Variants in NAALADL2 observed in about 807,000 individuals in gnomAD.
NAALADL2 encodes the protein inactive N-acetylated-alpha-linked acidic dipeptidase-like protein 2.
NAALADL2 carries 76 observed loss-of-function variants against 87.2 expected under a neutral mutation model. The observed-to-expected ratio is 0.87, with a 90% CI of 0.72 to 1.05. The LOEUF (loss-of-function observed/expected upper bound fraction) is 1.05, where lower values mean the gene tolerates loss of function less well. Ranked by LOEUF, NAALADL2 falls within the 50% of genes least tolerant of loss-of-function variation. The pLI is 0.00. For synonymous variants in NAALADL2, 354 were observed against 331.0 expected, an observed-to-expected ratio of 1.07 and a Z score of -0.75; for missense variants, 1,089 against 945.8, an observed-to-expected ratio of 1.15 and a Z score of -1.99.
At chr3:174,654,486 C>G (rs1387140199) in intron 2 of NAALADL2, among the ~76,000 whole-genome samples, 4 of 151,968 alleles carry the variant, frequency 2.6e-5, no homozygotes, top group African/African-American at 9.7e-5. Context: ...AATTATCCCA[C>G]AAAAATAATT....
chr3:174,625,461 A>T (rs1721482009), intron 2 of NAALADL2, among the ~76,000 whole-genome samples: 1 of 148,684 alleles, frequency 6.7e-6, no homozygotes, highest in African/African-American at 2.5e-5. Context: ...CCCATAAAAT[A>T]CTGAAAATTT....
At chr3:174,882,787 GTA>G (rs201781040) in intron 1 of NAALADL2, among the ~76,000 whole-genome samples, 24 of 102,976 alleles carry the variant, frequency 2.3e-4, no homozygotes, top group African/African-American at 6.8e-4. Context: ...ATACATATGT[GTA>G]TATATACACG....
intron 1 of NAALADL2, among the ~76,000 whole-genome samples, chr3:175,002,432 G>C: frequency 6.6e-6 from 1 of 152,064 alleles, no homozygotes; most frequent in East Asian, 1.9e-4. Flanking sequence ...ATGAAAAATA[G>C]AAAAACACTC....
intron 11 of NAALADL2, among the ~76,000 whole-genome samples, chr3:175,727,390 C>T (rs144119230): frequency 6.0e-4 from 91 of 152,274 alleles, no homozygotes; most frequent in African/African-American, 2.0e-3. Context: ...TATGTTCACA[C>T]GTAGTTTCTT....
chr3:175,209,161 G>T (rs1201632428), intron 2 of NAALADL2, among the ~76,000 whole-genome samples: 2 of 151,984 alleles, frequency 1.3e-5, no homozygotes, highest in Non-Finnish European at 2.9e-5. Context: ...AAAACATGTC[G>T]TCTGTTCCTA....
intron 1 of NAALADL2, among the ~76,000 whole-genome samples, chr3:175,067,220 C>T (rs1714687695): frequency 6.6e-6 from 1 of 152,032 alleles, no homozygotes; most frequent in African/African-American, 2.4e-5. Flanking sequence ...AAAGCGATTA[C>T]AACAAAAACA....
chr3:174,565,077 C>T (rs571184566), intron 2 of NAALADL2, among the ~76,000 whole-genome samples: 1 of 151,896 alleles, frequency 6.6e-6, no homozygotes, highest in African/African-American at 2.4e-5. Flanking sequence ...CATATACACC[C>T]TCACCACCAT....
chr3:174,996,173 A>C (rs530194870), intron 1 of NAALADL2, among the ~76,000 whole-genome samples: 2 of 152,262 alleles, frequency 1.3e-5, no homozygotes, highest in South Asian at 4.1e-4. Flanking sequence ...TACTAGTTCT[A>C]TTTACCTATA....
At chr3:175,147,179 C>G (rs1020435448) in intron 2 of NAALADL2, among the ~76,000 whole-genome samples, 8 of 152,234 alleles carry the variant, frequency 5.3e-5, no homozygotes, top group African/African-American at 1.7e-4. Flanking sequence ...ATTTGGAGTA[C>G]CTGTCACCCA....
intron 1 of NAALADL2, among the ~76,000 whole-genome samples, chr3:174,976,058 C>A (rs752946490): frequency 3.3e-5 from 5 of 152,094 alleles, no homozygotes; most frequent in Non-Finnish European, 5.9e-5. Flanking sequence ...CAACAAAAAA[C>A]CCAAATACAA....
At chr3:175,199,864 A>ATTTTTTTTTT in intron 2 of NAALADL2, among the ~76,000 whole-genome samples, 1 of 13,056 alleles carries the variant, frequency 7.7e-5, no homozygotes, top group Non-Finnish European at 1.4e-4. Context: ...ATATATATAT[A>ATTTTTTTTTT]TTTTTTTTTT....
intron 2 of NAALADL2, among the ~76,000 whole-genome samples, chr3:175,157,277 C>A (rs1732468078): frequency 6.6e-6 from 1 of 152,184 alleles, no homozygotes; most frequent in African/African-American, 2.4e-5. Context: ...CAGAAGGCAG[C>A]ATTTTGTAGT....
chr3:174,859,480 C>T lies in NAALADL2; in HGVS notation c.43+30C>T, dbSNP rs761166697. On this transcript the variant is annotated intron_variant, in intron 1 of 13. Coordinates refer to ENST00000454872, the MANE Select transcript of NAALADL2 (RefSeq NM_207015.3). ...GTACCAACAGCCTATGAACTTTTCACTTTTCACAATCAGAAACTTAAGCAG... is the reference window on the plus strand; with the variant it reads ...GTACCAACAGCCTATGAACTTTTCATTTTTCACAATCAGAAACTTAAGCAG... 2.5e-6 allele frequency: 4 copies of T among 1,586,218 alleles called. No individual in the cohort carries two copies. In the South Asian group the frequency reaches 4.5e-5, roughly 18 times the overall value.
At chr3:174,809,650 C>CT (rs34731296) in intron 3 of NAALADL2, among the ~76,000 whole-genome samples, 60,229 of 151,088 alleles carry the variant, frequency 0.4, 13,014 homozygotes, top group African/African-American at 0.58. Flanking sequence ...AATGGACTGA[C>CT]TTTTTTTTTA....
intron 12 of NAALADL2, among the ~76,000 whole-genome samples, chr3:175,752,870 T>C (rs1746784804): frequency 6.6e-6 from 1 of 152,194 alleles, no homozygotes; most frequent in African/African-American, 2.4e-5. Context: ...ACTTGTTTTT[T>C]CTGTTGTTCA....
intron 1 of NAALADL2, among the ~76,000 whole-genome samples, chr3:174,867,146 A>C (rs1215565234): frequency 6.7e-6 from 1 of 149,716 alleles, no homozygotes; most frequent in East Asian, 1.9e-4. Context: ...GTTTATCTTC[A>C]TAATCACAAA....
intron 1 of NAALADL2, among the ~76,000 whole-genome samples, chr3:174,958,060 A>G (rs917627985): frequency 4.0e-5 from 6 of 151,708 alleles, no homozygotes; most frequent in African/African-American, 7.3e-5. Flanking sequence ...ACCTTTCACC[A>G]TAACATAGTC....
intron 11 of NAALADL2, among the ~76,000 whole-genome samples, chr3:175,726,937 A>G (rs954476675): frequency 1.3e-5 from 2 of 152,116 alleles, no homozygotes; most frequent in African/African-American, 4.8e-5. Context: ...CTCTTCTTCA[A>G]TGCCCTGGTG....
chr3:175,182,550 G>GTTTTTTTTTTTTTTTTTTTT (rs1161831796), intron 2 of NAALADL2, among the ~76,000 whole-genome samples: 5 of 69,474 alleles, frequency 7.2e-5, no homozygotes, highest in Admixed American at 2.1e-4. Flanking sequence ...ACCACAGCCA[G>GTTTTTTTTTTTTTTTTTTTT]TTTTTTTTTT....
Sources: allele counts gnomAD v4.1 joint callset (sites outside exome capture counted in the v4.1 genomes callset), GRCh38; gene constraint gnomAD v4.1.1; transcripts MANE v1.5; gene names NCBI Gene and HGNC (gene_info 2026-07-23, HGNC 2026-07-21).